The following CBFA2T3 variants were observed in gnomAD, a reference collection of about 807,000 sequenced individuals.
CBFA2T3 encodes the protein transcriptional corepressor CBFA2T3.
In CBFA2T3, 31 loss-of-function variants were observed where a neutral mutation model predicts 58.6. The observed-to-expected ratio is 0.53, with a 90% CI of 0.40 to 0.71. The LOEUF is 0.71. CBFA2T3 is among the 30% of genes least tolerant of loss of function. CBFA2T3 has a pLI of 0.00. For synonymous variants in CBFA2T3, 531 were observed against 421.9 expected, an observed-to-expected ratio of 1.26 and a Z score of -3.17; for missense variants, 1,076 against 963.1, an observed-to-expected ratio of 1.12 and a Z score of -1.55.
chr16:88,881,565 C>T (rs2272436), intron 8 of CBFA2T3, 76 bp from the exon 9 acceptor site: 24,177 of 1,472,130 alleles, frequency 0.016, 272 homozygotes, highest in East Asian at 0.026. Flanking sequence ...CCCACTCGGC[C>T]AGAGCCCCGG....
At chr16:88,970,579 A>T (rs1972627080) in intron 1 of CBFA2T3, among the ~76,000 whole-genome samples, 1 of 152,206 alleles carries the variant, frequency 6.6e-6, no homozygotes, top group Admixed American at 6.5e-5. Flanking sequence ...AAAGCCGGGA[A>T]GGGATTGCCG....
chr16:88,970,354 C>T (rs1279051179), intron 1 of CBFA2T3, among the ~76,000 whole-genome samples: 1 of 152,152 alleles, frequency 6.6e-6, no homozygotes, highest in Non-Finnish European at 1.5e-5. Flanking sequence ...CAGCTGAGGG[C>T]GCGGCTCTCG....
chr16:88,974,982 G>A (rs755834156), intron 1 of CBFA2T3, among the ~76,000 whole-genome samples: 12 of 152,172 alleles, frequency 7.9e-5, no homozygotes, highest in Admixed American at 3.9e-4. Flanking sequence ...GTGGTTGCAC[G>A]GACAGAAGCC....
At chr16:88,912,500 A>C (rs563079566) in intron 1 of CBFA2T3, among the ~76,000 whole-genome samples, 15 of 152,256 alleles carry the variant, frequency 9.9e-5, no homozygotes, top group African/African-American at 3.6e-4. Flanking sequence ...GTCTTGGCGC[A>C]AATGTCCCTC....
At chr16:88,926,318 G>T (rs1038428267) in intron 1 of CBFA2T3, among the ~76,000 whole-genome samples, 5 of 152,182 alleles carry the variant, frequency 3.3e-5, no homozygotes, top group African/African-American at 1.2e-4. Flanking sequence ...CCAATGTCCA[G>T]CTGGACAAAC....
In CBFA2T3 at chr16:88,876,779, A is replaced by G. The variant is rs534928719; in HGVS notation, c.*197T>C. ...TTAGGTAGCTGAGGCAGGTGCACTGAATGCGGTTTTGTTGGTTCTGTGTCT... is the reference window on the plus strand; with the variant it reads ...TTAGGTAGCTGAGGCAGGTGCACTGGATGCGGTTTTGTTGGTTCTGTGTCT... On this transcript the variant is annotated 3_prime_UTR_variant, in exon 12 of 12. Coordinates refer to ENST00000268679, the MANE Select transcript of CBFA2T3 (RefSeq NM_005187.6). The G allele has an allele frequency of 4.1e-6, 2 of 493,136 alleles. No individual in the cohort carries two copies. The highest frequency in any genetic ancestry group is 3.5e-5 in the East Asian group (1 of 28,938). 30.5% of individuals were successfully genotyped at this position (493,136 alleles called of 1,614,324 possible).
At chr16:88,924,280 G>A (rs1010597681) in intron 1 of CBFA2T3, among the ~76,000 whole-genome samples, 2 of 152,222 alleles carry the variant, frequency 1.3e-5, no homozygotes, top group African/African-American at 4.8e-5. Context: ...CAACGGCTGT[G>A]CTGACGTGGG....
rs774019581 is a variant in CBFA2T3 at position 88,892,298 on chromosome 16, G to A, written c.567C>T (p.Ser189=). ...GCTCCCCAATCTCTGGGGAGATGTCGCTGCCAAACTGCTGCAGTGTGGTGA... is the reference window on the plus strand; with the variant it reads ...GCTCCCCAATCTCTGGGGAGATGTCACTGCCAAACTGCTGCAGTGTGGTGA... ...RFLTTLQQFG[S]DISPEIGERV... Residue 189 remains serine, a synonymous_variant, in exon 4 of 12, where the codon AGC becomes AGT. Transcript: ENST00000268679. 1.4e-5 allele frequency: 22 copies of A among 1,612,640 alleles called. No homozygotes were observed. Among genetic ancestry groups the A allele is most frequent in the Non-Finnish European group, 1.7e-5 (20 of 1,179,942 alleles).
Position 88,892,233 on chromosome 16 carries a change from G to C in CBFA2T3, c.621+11C>G, listed in dbSNP as rs1969665048. On this transcript the variant is annotated intron_variant, in intron 4 of 11. Coordinates refer to ENST00000268679, the MANE Select transcript of CBFA2T3 (RefSeq NM_005187.6). ...ATGTCCCAAGGCCCCGGCTGTCCCT[G>C]CCCAACTCACCACCAGGCCCAGCAC... 6.2e-7 allele frequency: 1 copy of C among 1,604,888 alleles called. No homozygotes were observed. The highest frequency in any genetic ancestry group is 8.5e-7 in the Non-Finnish European group (1 of 1,177,304).
intron 1 of CBFA2T3, among the ~76,000 whole-genome samples, chr16:88,945,335 A>G (rs1344463065): frequency 1.3e-5 from 2 of 152,220 alleles, no homozygotes; most frequent in African/African-American, 2.4e-5. Context: ...AAAATTTCAT[A>G]CTTCGGCTCT....
At chr16:88,878,545 C>G (rs372814817) in intron 11 of CBFA2T3, among the ~76,000 whole-genome samples, 3 of 152,244 alleles carry the variant, frequency 2.0e-5, no homozygotes, top group Admixed American at 2.0e-4. Context: ...GCACAAGCAT[C>G]GTAATTCTCA....
intron 1 of CBFA2T3, among the ~76,000 whole-genome samples, chr16:88,915,432 C>T (rs563696979): frequency 7.9e-5 from 1 of 12,722 alleles, no homozygotes; most frequent in African/African-American, 3.9e-4. Context: ...ACGGGGGCAG[C>T]GTGGAGGAGT....
intron 1 of CBFA2T3, among the ~76,000 whole-genome samples, chr16:88,906,307 T>C (rs1012803559): frequency 2.6e-5 from 4 of 152,000 alleles, no homozygotes; most frequent in Non-Finnish European, 5.9e-5. Flanking sequence ...CCACAGGCCA[T>C]TTCTACTCCG....
intron 11 of CBFA2T3, among the ~76,000 whole-genome samples, chr16:88,878,936 C>T (rs1968950419): frequency 6.6e-6 from 1 of 152,196 alleles, no homozygotes; most frequent in African/African-American, 2.4e-5. Context: ...GTCTGGGCAA[C>T]AAGAGTGAAA....
chr16:88,889,466 G>A (rs917149572), intron 5 of CBFA2T3, among the ~76,000 whole-genome samples: 4 of 151,812 alleles, frequency 2.6e-5, no homozygotes, highest in African/African-American at 9.7e-5. Context: ...CCCTTGGGGA[G>A]GGACTGAGGG....
intron 1 of CBFA2T3, among the ~76,000 whole-genome samples, chr16:88,960,530 A>T (rs1464785390): frequency 6.6e-6 from 1 of 152,254 alleles, no homozygotes; most frequent in East Asian, 1.9e-4. Flanking sequence ...TGAGGCCTCC[A>T]CAAGAATCTC....
At position 88,879,354 on chromosome 16, in the gene CBFA2T3, C is replaced by G. The variant is rs1445291634; in HGVS notation, c.1578G>C (p.Lys526Asn). ...TCGCCTCGGCCAGGGCCCGCTCCAT[C>G]TTGGCACGCTCCGTGGTGATGAGCT... ...AHELITTERAKMERALAEAKR... is the reference protein window; with the variant it reads ...AHELITTERANMERALAEAKR... Residue 526 changes from lysine (K) to asparagine (N), a missense_variant, in exon 11 of 12, where the codon AAG becomes AAC. Lys to Asn is a moderately conservative substitution (Grantham distance 94, BLOSUM62 0). Coordinates refer to ENST00000268679, the MANE Select transcript of CBFA2T3 (RefSeq NM_005187.6). 1.2e-6 allele frequency: 2 copies of G among 1,612,724 alleles called. No homozygotes were observed. Among genetic ancestry groups the G allele is most frequent in the South Asian group, 1.1e-5 (1 of 91,080 alleles).
intron 1 of CBFA2T3, among the ~76,000 whole-genome samples, chr16:88,947,580 C>A (rs73256235): frequency 8.1e-4 from 123 of 152,248 alleles, no homozygotes; most frequent in African/African-American, 2.9e-3. Context: ...ACAACCGATA[C>A]AAACAATGTG....
chr16:88,887,703 C>T (rs149876655), intron 5 of CBFA2T3, among the ~76,000 whole-genome samples: 8 of 152,284 alleles, frequency 5.3e-5, no homozygotes, highest in Admixed American at 1.3e-4. Flanking sequence ...GCAGTGTCCC[C>T]ACTCTGTCCC....
Sources: gnomAD v4.1 joint callset for allele counts (sites outside exome capture counted in the v4.1 genomes callset) on GRCh38, gnomAD v4.1.1 for gene constraint, MANE v1.5 for transcripts, NCBI Gene and HGNC (gene_info 2026-07-23, HGNC 2026-07-21) for gene names.